Variants in DYNC1I1 observed in about 807,000 individuals in gnomAD.
DYNC1I1 encodes the protein cytoplasmic dynein 1 intermediate chain 1.
In DYNC1I1, 43 loss-of-function variants were observed where a neutral mutation model predicts 86.6. The observed-to-expected ratio is 0.50, with a 90% confidence interval of 0.39 to 0.64. The LOEUF (loss-of-function observed/expected upper bound fraction) is 0.64. DYNC1I1 is among the 30% of genes least tolerant of loss of function. DYNC1I1 has a pLI of 0.00. For synonymous variants in DYNC1I1, 262 were observed against 283.7 expected, an observed-to-expected ratio of 0.92 and a Z score of 0.77; for missense variants, 604 against 788.8, an observed-to-expected ratio of 0.77 and a Z score of 2.81.
At chr7:95,942,724 A>G (rs1792267421) in intron 6 of DYNC1I1, among the ~76,000 whole-genome samples, 1 of 148,692 alleles carries the variant, frequency 6.7e-6, no homozygotes, top group South Asian at 2.2e-4. Context: ...CAATATACGC[A>G]AATCAATAAA....
intron 16 of DYNC1I1, among the ~76,000 whole-genome samples, chr7:96,082,837 T>C (rs1425512960): frequency 3.3e-5 from 5 of 152,200 alleles, no homozygotes; most frequent in Admixed American, 1.3e-4. Flanking sequence ...CTTTCTAGGA[T>C]GCTATCATCA....
intron 6 of DYNC1I1, among the ~76,000 whole-genome samples, chr7:95,940,409 A>T (rs1792175277): frequency 6.6e-6 from 1 of 152,052 alleles, no homozygotes. Flanking sequence ...ACTTGGTTCC[A>T]TTCTCCCCGT....
chr7:95,912,633 C>G (rs145434554), intron 6 of DYNC1I1, among the ~76,000 whole-genome samples: 240 of 152,312 alleles, frequency 1.6e-3, no homozygotes, highest in Middle Eastern at 0.01. Context: ...AGAGAAGGAA[C>G]CGTTCTAGCC....
chr7:95,891,788 G>T (rs567375525), intron 6 of DYNC1I1, among the ~76,000 whole-genome samples: 1 of 152,032 alleles, frequency 6.6e-6, no homozygotes, highest in East Asian at 1.9e-4. Flanking sequence ...AAATGATTTG[G>T]GGTGTGTACT....
chr7:95,846,631 G>GTGTGTGTGTGTA (rs1789439556), intron 5 of DYNC1I1, among the ~76,000 whole-genome samples: 1 of 141,358 alleles, frequency 7.1e-6, no homozygotes, highest in African/African-American at 3.0e-5. Context: ...CTCTCTCTGT[G>GTGTGTGTGTGTA]TGTGTGTGTG....
At chr7:95,876,001 A>C (rs1301312604) in intron 6 of DYNC1I1, among the ~76,000 whole-genome samples, 1 of 152,110 alleles carries the variant, frequency 6.6e-6, no homozygotes, top group African/African-American at 2.4e-5. Flanking sequence ...CCCATGCCTC[A>C]GAATATTTAA....
At chr7:95,798,205 G>A (rs187237478) in intron 1 of DYNC1I1, among the ~76,000 whole-genome samples, 55 of 152,280 alleles carry the variant, frequency 3.6e-4, no homozygotes, top group African/African-American at 1.3e-3. Context: ...ACAGTCCTGA[G>A]CATCGTCCTA....
chr7:95,856,481 T>C (rs1789727633), intron 5 of DYNC1I1, among the ~76,000 whole-genome samples: 1 of 152,240 alleles, frequency 6.6e-6, no homozygotes, highest in African/African-American at 2.4e-5. Flanking sequence ...TTTCTATTAA[T>C]GAAAACATTT....
chr7:95,855,974 C>T (rs1789710287), intron 5 of DYNC1I1, among the ~76,000 whole-genome samples: 1 of 152,060 alleles, frequency 6.6e-6, no homozygotes, highest in South Asian at 2.1e-4. Flanking sequence ...TAATTTTTTC[C>T]TTTCTTCAAT....
chr7:96,050,508 T>A (rs1001437857), intron 14 of DYNC1I1, among the ~76,000 whole-genome samples: 1 of 152,250 alleles, frequency 6.6e-6, no homozygotes, highest in African/African-American at 2.4e-5. Flanking sequence ...TATAGGGTTT[T>A]ATTTAAACTT....
At chr7:95,964,353 G>A (rs920525820) in intron 6 of DYNC1I1, among the ~76,000 whole-genome samples, 3 of 152,218 alleles carry the variant, frequency 2.0e-5, no homozygotes, top group African/African-American at 7.2e-5. Flanking sequence ...TGACAAAGTT[G>A]GTGGTGGGCA....
chr7:96,100,403 TC>T (rs1791113263), downstream of DYNC1I1, among the ~76,000 whole-genome samples: 1 of 150,686 alleles, frequency 6.6e-6, no homozygotes, highest in Non-Finnish European at 1.5e-5. Flanking sequence ...TTCCTTCTTC[TC>T]CTCCCTTTCC....
intron 4 of DYNC1I1, among the ~76,000 whole-genome samples, chr7:95,817,214 T>TAA (rs34412998): frequency 2.9e-5 from 4 of 139,002 alleles, no homozygotes; most frequent in Non-Finnish European, 3.2e-5. Context: ...CATCCAAGAT[T>TAA]AAAAAAAAAA....
chr7:96,109,509 T>G (rs6959101), intron 16 of DYNC1I1, among the ~76,000 whole-genome samples: 4,107 of 152,230 alleles, frequency 0.027, 188 homozygotes, highest in African/African-American at 0.094. Flanking sequence ...ATCTTTCTAA[T>G]GTAAGCAGTT....
At chr7:96,096,210 T>C (rs1019078147) in intron 16 of DYNC1I1, among the ~76,000 whole-genome samples, 1 of 152,140 alleles carries the variant, frequency 6.6e-6, no homozygotes, top group African/African-American at 2.4e-5. Context: ...TTTGAGAATA[T>C]TATCCTTGTA....
intron 6 of DYNC1I1, among the ~76,000 whole-genome samples, chr7:95,926,361 TTATAA>T (rs934910921): frequency 1.3e-5 from 2 of 152,096 alleles, no homozygotes; most frequent in African/African-American, 4.8e-5. Context: ...AAATGACAGC[TTATAA>T]TATATTTTAA....
chr7:95,932,534 G>A (rs1004720882), intron 6 of DYNC1I1, among the ~76,000 whole-genome samples: 3 of 152,196 alleles, frequency 2.0e-5, no homozygotes, highest in Non-Finnish European at 2.9e-5. Context: ...GTGTCCTTGG[G>A]TAGGGTATTT....
intron 16 of DYNC1I1, among the ~76,000 whole-genome samples, chr7:96,092,947 T>A (rs1421932520): frequency 6.6e-6 from 1 of 152,138 alleles, no homozygotes; most frequent in Non-Finnish European, 1.5e-5. Flanking sequence ...GAGTCTTGAT[T>A]GCCCCACACT....
At chr7:95,914,017 C>T (rs1791406155) in intron 6 of DYNC1I1, among the ~76,000 whole-genome samples, 1 of 152,138 alleles carries the variant, frequency 6.6e-6, no homozygotes, top group Non-Finnish European at 1.5e-5. Context: ...TGTTTGCAAG[C>T]CTTTTAGCTT....
Sources: allele counts gnomAD v4.1 joint callset (sites outside exome capture counted in the v4.1 genomes callset), GRCh38; gene constraint gnomAD v4.1.1; transcripts MANE v1.5; gene names NCBI Gene and HGNC (gene_info 2026-07-23, HGNC 2026-07-21).